The following AP3M1 variants were observed in gnomAD, a reference collection of about 807,000 sequenced individuals.
AP3M1 encodes AP-3 complex subunit mu-1.
A neutral mutation model predicts 42.6 loss-of-function variants in AP3M1; 29 were observed. The ratio of observed to expected loss-of-function variants is 0.68; its 90% CI spans 0.51 to 0.93. The LOEUF is 0.93. Among genes scored for constraint, AP3M1 ranks in the 40% least tolerant of loss-of-function variants. The pLI, the probability that AP3M1 is intolerant of heterozygous loss-of-function variation, is 0.00. For missense variants in AP3M1, 416 were observed against 510.2 expected (o/e 0.82, Z 1.78); for synonymous variants, 178 against 175.3 (o/e 1.02, Z -0.12).
At position 74,138,095 on chromosome 10, in the gene AP3M1, T is replaced by G. The variant is rs1413106456; in HGVS notation, c.273+12A>C. ...GGTCATTTAACTTAGAAAGGTATGATAGATAACCAACCTGAAAAGTGTCAG... is the reference window on the plus strand; with the variant it reads ...GGTCATTTAACTTAGAAAGGTATGAGAGATAACCAACCTGAAAAGTGTCAG... On this transcript the variant is annotated intron_variant, in intron 2 of 8. Coordinates refer to ENST00000355264, the MANE Select transcript of AP3M1 (RefSeq NM_012095.6). The G allele has an allele frequency of 1.9e-6, 3 of 1,611,038 alleles. No homozygotes were observed. Among genetic ancestry groups the G allele is most frequent in the Non-Finnish European group, 2.5e-6 (3 of 1,178,394 alleles).
In AP3M1 at chr10:74,123,489, A is replaced by C; in HGVS notation, c.*321T>G. ...CTGGATGAGACCAGTTAACTCTTTT[A>C]GGAGAGAGGTTATCACTACAGCTTT... On this transcript the variant is annotated 3_prime_UTR_variant, in exon 9 of 9. Coordinates refer to ENST00000355264, the MANE Select transcript of AP3M1 (RefSeq NM_012095.6). 3.3e-6 allele frequency: 1 copy of C among 299,728 alleles called. No individual in the cohort carries two copies. The highest frequency in any genetic ancestry group is 6.2e-6 in the Non-Finnish European group (1 of 160,512). 18.6% of individuals were successfully genotyped at this position (299,728 alleles called of 1,614,324 possible).
intron 1 of AP3M1, among the ~76,000 whole-genome samples, chr10:74,140,956 A>G (rs1841127301): frequency 6.6e-6 from 1 of 152,228 alleles, no homozygotes; most frequent in South Asian, 2.1e-4. Context: ...TCTGGATTAG[A>G]CAATGTTTTT....
intron 1 of AP3M1, among the ~76,000 whole-genome samples, chr10:74,144,048 G>A (rs1841246136): frequency 1.3e-5 from 2 of 152,030 alleles, no homozygotes; most frequent in South Asian, 2.1e-4. Flanking sequence ...TGCAAGCTCC[G>A]CCTCCCAGGT....
Position 74,123,608 on chromosome 10 carries a change from T to C in AP3M1, c.*202A>G. On this transcript the variant is annotated 3_prime_UTR_variant, in exon 9 of 9. Coordinates refer to ENST00000355264, the MANE Select transcript of AP3M1 (RefSeq NM_012095.6). ...TCTTCCTAAGTGAAAAGATACAAAA[T>C]AAGCTAAGTCACTAAAAGGTTTCCT... 2 of 567,134 alleles carry C rather than the reference T, an allele frequency of 3.5e-6. No homozygotes were observed. The highest frequency in any genetic ancestry group is 6.3e-6 in the Non-Finnish European group (2 of 319,824). The allele number at this position is 567,134 out of a possible 1,614,324, so 35.1% of individuals were successfully genotyped here. A position where few individuals can be genotyped will look rare whatever the true frequency, so the allele number is the denominator to read the frequency against.
At chr10:74,138,597 G>GA (rs35488304) in intron 1 of AP3M1, among the ~76,000 whole-genome samples, 1,182 of 110,980 alleles carry the variant, frequency 0.011, 21 homozygotes, top group East Asian at 0.044. Flanking sequence ...ATCCTTTTAC[G>GA]AAAAAAAAAA....
chr10:74,135,650 A>G (rs550673861), intron 3 of AP3M1, among the ~76,000 whole-genome samples: 1 of 152,270 alleles, frequency 6.6e-6, no homozygotes, highest in African/African-American at 2.4e-5. Context: ...TGACTTTTCA[A>G]TTTAACGTTA....
At position 74,139,571 on chromosome 10, in the gene AP3M1, C is replaced by T. The variant is rs569678225; in HGVS notation, c.-3-1189G>A. ...CCGAGGCAGGTGGATCACCTGAGGT[C>T]GGGAGTTCAAGACCAGCCTGGCCAA... On this transcript the variant is annotated intron_variant, in intron 1 of 8. Coordinates refer to ENST00000355264, the MANE Select transcript of AP3M1 (RefSeq NM_012095.6). 1.0e-4 allele frequency among the ~76,000 whole-genome samples: 15 copies of T among 147,352 alleles called. No homozygotes were observed. The East Asian group carries it at 2.8e-3, about 28-fold the overall frequency.
At chr10:74,132,834 A>G (rs779995145) in intron 4 of AP3M1, among the ~76,000 whole-genome samples, 1 of 152,242 alleles carries the variant, frequency 6.6e-6, no homozygotes, top group African/African-American at 2.4e-5. Context: ...AGGAATAAAT[A>G]GCAAGAGGTA....
intron 1 of AP3M1, among the ~76,000 whole-genome samples, chr10:74,146,891 A>C (rs994449057): frequency 3.3e-5 from 5 of 152,108 alleles, no homozygotes; most frequent in Admixed American, 2.6e-4. Context: ...AAAAAAAAAA[A>C]AACAGGGTGG....
chr10:74,131,043 C>T (rs924333912), intron 4 of AP3M1, among the ~76,000 whole-genome samples: 9 of 151,976 alleles, frequency 5.9e-5, no homozygotes, highest in Non-Finnish European at 7.4e-5. Context: ...ACGTAGAAGG[C>T]GGAGGTTGCA....
Position 74,134,091 on chromosome 10 carries a change from CT to C in AP3M1, c.518del (p.Lys173SerfsTer15). ...SNIPWRRAGV[K>X]YTNNEAYFDV... Reference sequence around the variant, plus strand: ...CAAAATAGGCTTCATTGTTTGTGTACTTTACCCCTGCCCGACGCCATGGTAT... The same window carrying C: ...CAAAATAGGCTTCATTGTTTGTGTACTTACCCCTGCCCGACGCCATGGTAT... On this transcript the variant is annotated frameshift_variant, in exon 4 of 9. Coordinates refer to ENST00000355264, the MANE Select transcript of AP3M1 (RefSeq NM_012095.6). LOFTEE classifies it high-confidence loss of function. 1 of 1,614,170 alleles carries C rather than the reference CT, an allele frequency of 6.2e-7. No individual in the cohort carries two copies. Among genetic ancestry groups the C allele is most frequent in the East Asian group, 2.2e-5 (1 of 44,890 alleles).
At chr10:74,130,917 C>T (rs1591745215) in intron 4 of AP3M1, among the ~76,000 whole-genome samples, 1 of 152,004 alleles carries the variant, frequency 6.6e-6, no homozygotes, top group East Asian at 2.0e-4. Context: ...TTGGGACCAG[C>T]CTGGGCAACA....
chr10:74,131,624 C>G (rs1049082956), intron 4 of AP3M1, among the ~76,000 whole-genome samples: 18 of 151,836 alleles, frequency 1.2e-4, no homozygotes, highest in Non-Finnish European at 2.6e-4. Context: ...CATAGTTCAC[C>G]ACAGCATTGA....
intron 3 of AP3M1, among the ~76,000 whole-genome samples, chr10:74,135,443 C>G (rs895729517): frequency 6.6e-5 from 10 of 152,104 alleles, no homozygotes; most frequent in African/African-American, 1.4e-4. Flanking sequence ...AATACACTAT[C>G]TAATGAATCT....
At chr10:74,133,304 G>T (rs1840836712) in intron 4 of AP3M1, among the ~76,000 whole-genome samples, 1 of 151,860 alleles carries the variant, frequency 6.6e-6, no homozygotes, top group African/African-American at 2.4e-5. Flanking sequence ...TGAGGCAGAA[G>T]AACTGCTTGA....
chr10:74,132,649 C>A (rs1840814158), intron 4 of AP3M1, among the ~76,000 whole-genome samples: 1 of 151,510 alleles, frequency 6.6e-6, no homozygotes, highest in African/African-American at 2.4e-5. Flanking sequence ...GAGGTCAAGG[C>A]TACAGTAAGC....
chr10:74,125,286 A>G (rs144539652), intron 7 of AP3M1, among the ~76,000 whole-genome samples: 1 of 152,118 alleles, frequency 6.6e-6, no homozygotes, highest in African/African-American at 2.4e-5. Context: ...GCCTCTGTTT[A>G]TTTTTCTGTA....
chr10:74,129,429 G>A (rs1840709827), intron 5 of AP3M1, among the ~76,000 whole-genome samples, 188 bp from the exon 6 acceptor site: 1 of 152,084 alleles, frequency 6.6e-6, no homozygotes, highest in Non-Finnish European at 1.5e-5. Flanking sequence ...TATTTTATTT[G>A]AATTTCAATA....
At chr10:74,141,105 A>G (rs913810949) in intron 1 of AP3M1, among the ~76,000 whole-genome samples, 3 of 152,176 alleles carry the variant, frequency 2.0e-5, no homozygotes. Context: ...ATTTGAAACC[A>G]TATATCTTAA....
Sources: allele counts gnomAD v4.1 joint callset (sites outside exome capture counted in the v4.1 genomes callset), GRCh38; gene constraint gnomAD v4.1.1; transcripts MANE v1.5; gene names NCBI Gene and HGNC (gene_info 2026-07-23, HGNC 2026-07-21).